PRR5L: variants seen among roughly 807,000 people sequenced by gnomAD.
The protein encoded by PRR5L is proline-rich protein 5-like.
PRR5L carries 21 observed loss-of-function variants against 36.4 expected under a neutral mutation model. The observed-to-expected ratio is 0.58, with a 90% CI of 0.41 to 0.83. The LOEUF (loss-of-function observed/expected upper bound fraction) is 0.83, where lower values mean the gene tolerates loss of function less well. PRR5L is among the 40% of genes least tolerant of loss of function. PRR5L has a pLI of 0.00. For missense variants in PRR5L, 381 were observed against 473.3 expected (o/e 0.80, Z 1.81); for synonymous variants, 188 against 197.0 (o/e 0.95, Z 0.38).
At chr11:36,303,688 G>A (rs1856400639) in intron 1 of PRR5L, among the ~76,000 whole-genome samples, 1 of 152,186 alleles carries the variant, frequency 6.6e-6, no homozygotes, top group Non-Finnish European at 1.5e-5. Context: ...TGAGTGATGT[G>A]ACGTATGCAC....
intron 1 of PRR5L, among the ~76,000 whole-genome samples, chr11:36,371,811 C>T (rs969368336): frequency 7.2e-5 from 11 of 152,220 alleles, no homozygotes; most frequent in Middle Eastern, 3.4e-3. Context: ...GTAATCCCAG[C>T]GCTTTGGGAG....
At position 36,402,230 on chromosome 11, in the gene PRR5L, A is replaced by G. The variant is rs552961736; in HGVS notation, c.164+945A>G. ...CATGACTGAATTCTTTGTAGTTTGGATCGTTATGGATCTTTTCTCTTTTTT... is the reference window on the plus strand; with the variant it reads ...CATGACTGAATTCTTTGTAGTTTGGGTCGTTATGGATCTTTTCTCTTTTTT... On this transcript the variant is annotated intron_variant, in intron 2 of 8. Transcript: ENST00000530639. Among the ~76,000 whole-genome samples, 5 of 152,082 alleles carry G rather than the reference A, an allele frequency of 3.3e-5. No homozygotes were observed. In the South Asian group the frequency reaches 1.0e-3, roughly 32 times the overall value.
rs186225778 is a variant in PRR5L, at chr11:36,400,231, C to T, written c.-125-766C>T. Reference sequence around the variant, plus strand: ...GACATAGAAGAGTGCCTGCTGGTTGCGAGCTCCACGGGGCAGGGCACCAGG... The same window carrying T: ...GACATAGAAGAGTGCCTGCTGGTTGTGAGCTCCACGGGGCAGGGCACCAGG... On this transcript the variant is annotated intron_variant, in intron 1 of 8. Transcript: ENST00000530639. 2.1e-3 allele frequency among the ~76,000 whole-genome samples: 316 copies of T among 152,292 alleles called. 3 individuals carry two copies. The highest frequency in any genetic ancestry group is 2.1e-3 in the Non-Finnish European group (141 of 68,012).
At chr11:36,425,817 G>T (rs1344355926) in intron 4 of PRR5L, 2 of 141,838 alleles carry the variant, frequency 1.4e-5, no homozygotes, top group African/African-American at 2.7e-5. Flanking sequence ...AAGTCATAGA[G>T]GAAAAAAAAA....
At chr11:36,364,787 G>A in intron 1 of PRR5L, among the ~76,000 whole-genome samples, 1 of 152,186 alleles carries the variant, frequency 6.6e-6, no homozygotes, top group East Asian at 1.9e-4. Flanking sequence ...GAAGAGCTCA[G>A]CTCTCCCGTG....
At chr11:36,396,453 G>A (rs1051318690) in intron 1 of PRR5L, among the ~76,000 whole-genome samples, 10 of 152,244 alleles carry the variant, frequency 6.6e-5, no homozygotes, top group African/African-American at 2.4e-4. Context: ...CGGCTCAGAG[G>A]ACTTGTCTGC....
intron 1 of PRR5L, among the ~76,000 whole-genome samples, chr11:36,373,422 A>G (rs940467438): frequency 1.3e-5 from 2 of 152,106 alleles, no homozygotes; most frequent in Non-Finnish European, 2.9e-5. Flanking sequence ...TCTGATTTCC[A>G]TGGAAATACT....
In PRR5L at chr11:36,377,059, A is replaced by G. The variant is rs1857276913; in HGVS notation, c.-125-23938A>G. ...ACCTAGGCTGAGCCGGGAGGTCGAA[A>G]AAGAAAGTCGGCTTGTTTGACTCTC... On this transcript the variant is annotated intron_variant, in intron 1 of 8. Coordinates refer to ENST00000530639, the MANE Select transcript of PRR5L (RefSeq NM_001160167.2). The surrounding 1 kb of genome is among the most constrained non-coding windows in gnomAD (Gnocchi z 5.1). Among the ~76,000 whole-genome samples the G allele has an allele frequency of 6.6e-6, 1 of 152,144 alleles. No individual in the cohort carries two copies. The highest frequency in any genetic ancestry group is 1.5e-5 in the Non-Finnish European group (1 of 68,014).
chr11:36,444,784 G>T (rs929879355), intron 6 of PRR5L, among the ~76,000 whole-genome samples: 3 of 152,048 alleles, frequency 2.0e-5, no homozygotes, highest in Non-Finnish European at 4.4e-5. Context: ...CAGTTCTATT[G>T]TTCACTTCCC....
chr11:36,321,163 A>T (rs1856610314), intron 1 of PRR5L: 1 of 152,226 alleles, frequency 6.6e-6, no homozygotes, highest in Admixed American at 6.5e-5. Flanking sequence ...CAGGCTTAAG[A>T]AAGAAAAGGT....
chr11:36,393,743 T>C (rs749648092), intron 1 of PRR5L: 3 of 152,248 alleles, frequency 2.0e-5, no homozygotes, highest in Non-Finnish European at 4.4e-5. Context: ...TGGAATTGCA[T>C]TCAATCTGTA....
chr11:36,413,019 T>C (rs546498046), intron 3 of PRR5L, among the ~76,000 whole-genome samples: 1 of 152,322 alleles, frequency 6.6e-6, no homozygotes, highest in East Asian at 1.9e-4. Flanking sequence ...GGAGATGGTG[T>C]ATCGGAACAG....
chr11:36,438,775 A>G (rs1858658116), intron 6 of PRR5L, among the ~76,000 whole-genome samples: 2 of 152,044 alleles, frequency 1.3e-5, no homozygotes, highest in South Asian at 4.1e-4. Context: ...ACCCATCTCT[A>G]TTAAAAAAAA....
intron 3 of PRR5L, 150 bp from the exon 4 acceptor site, chr11:36,419,105 T>C (rs1332694966): frequency 1.5e-5 from 11 of 711,144 alleles, no homozygotes; most frequent in African/African-American, 3.5e-5. Context: ...AATTCCATGA[T>C]AACAATGGGG....
intron 6 of PRR5L, among the ~76,000 whole-genome samples, chr11:36,443,802 C>T (rs1290789579): frequency 6.6e-6 from 1 of 152,106 alleles, no homozygotes; most frequent in African/African-American, 2.4e-5. Context: ...TATACTGGCA[C>T]TGTTATGGAA....
chr11:36,403,464 T>TTTG (rs371169812), intron 3 of PRR5L, 86 bp downstream of exon 3: 74,002 of 303,682 alleles, frequency 0.24, 2,647 homozygotes, highest in African/African-American at 0.37. Context: ...GCCTTAAGGG[T>TTTG]TTTTTTTTTT....
chr11:36,359,909 C>A lies in PRR5L; in HGVS notation c.-125-41088C>A, dbSNP rs190463942. On this transcript the variant is annotated intron_variant, in intron 1 of 8. Transcript: ENST00000530639. Reference sequence around the variant, plus strand: ...AAAATCAGCTGGACATGGTGATGCGCGCCTGTAGTCCCAGCTACTAGGAAG... The same window carrying A: ...AAAATCAGCTGGACATGGTGATGCGAGCCTGTAGTCCCAGCTACTAGGAAG... Among the ~76,000 whole-genome samples the A allele has an allele frequency of 2.8e-3, 433 of 152,160 alleles. 5 individuals carry two copies. The highest frequency in any genetic ancestry group is 0.01 in the African/African-American group (415 of 41,486).
chr11:36,343,016 C>T (rs1244315676), intron 1 of PRR5L, among the ~76,000 whole-genome samples: 1 of 152,102 alleles, frequency 6.6e-6, no homozygotes, highest in African/African-American at 2.4e-5. Context: ...TCGAGGAGAT[C>T]ATGGTTTTGC....
chr11:36,351,037 T>A, intron 1 of PRR5L, among the ~76,000 whole-genome samples: 1 of 19,304 alleles, frequency 5.2e-5, no homozygotes, highest in African/African-American at 3.4e-4. Flanking sequence ...TATTTATTTT[T>A]TAATATATTT....
Sources: allele counts gnomAD v4.1 joint callset (sites outside exome capture counted in the v4.1 genomes callset), GRCh38; gene constraint gnomAD v4.1.1; non-coding constraint Gnocchi (gnomAD v3.1); transcripts MANE v1.5; gene names NCBI Gene and HGNC (gene_info 2026-07-23, HGNC 2026-07-21).